The following GLDN variants were observed in gnomAD, a reference collection of about 807,000 sequenced individuals.
The protein encoded by GLDN is gliomedin.
Under a neutral mutation model 56.5 loss-of-function variants are expected in GLDN, and 47 were observed. That is an observed-to-expected ratio of 0.83 (90% CI 0.66 to 1.06). The LOEUF is 1.06. Among genes scored for constraint, GLDN ranks in the 50% least tolerant of loss-of-function variants. The pLI is 0.00. For missense variants in GLDN, 782 were observed against 714.3 expected (o/e 1.09, Z -1.08); for synonymous variants, 332 against 278.8 (o/e 1.19, Z -1.90).
rs959972105 is a variant in GLDN at position 51,362,314 on chromosome 15, G to T, written c.364-15135G>T. Among the ~76,000 whole-genome samples, 3 of 151,384 alleles carry T rather than the reference G, an allele frequency of 2.0e-5. No homozygotes were observed. The East Asian group carries it at 5.8e-4, about 29-fold the overall frequency. ...AGACTGACCAACTTGGAGAAACTCC[G>T]TCTCTACCAAATATATACAAATTAG... is the stretch of plus-strand genomic sequence containing the variant. On this transcript the variant is annotated intron_variant, in intron 1 of 9. Coordinates refer to ENST00000335449, the MANE Select transcript of GLDN (RefSeq NM_181789.4).
intron 9 of GLDN, among the ~76,000 whole-genome samples, chr15:51,402,136 C>T (rs1319423922): frequency 1.3e-5 from 2 of 152,192 alleles, no homozygotes; most frequent in Non-Finnish European, 2.9e-5. Flanking sequence ...TGGGGAATTT[C>T]GTGTCACAGC....
chr15:51,387,995 C>A (rs2037937437), intron 4 of GLDN, among the ~76,000 whole-genome samples: 1 of 152,186 alleles, frequency 6.6e-6, no homozygotes, highest in Non-Finnish European at 1.5e-5. Context: ...TGCCCCAGGA[C>A]CTTTGCACGA....
At chr15:51,385,187 C>G (rs1397340786) in intron 4 of GLDN, 1 of 152,106 alleles carries the variant, frequency 6.6e-6, no homozygotes, top group East Asian at 1.9e-4. Context: ...AATAATGATG[C>G]CTATTGGCTT....
rs2038223020 is a variant in GLDN at position 51,400,353 on chromosome 15, C to G, written c.902-20C>G. ...TCATAATTGGCAGGCAAGTGACTTT[C>G]TTTTCTCTTCTTTTGGCAGAATCCA... On this transcript the variant is annotated intron_variant, in intron 7 of 9. Coordinates refer to ENST00000335449, the MANE Select transcript of GLDN (RefSeq NM_181789.4). 1.9e-6 allele frequency: 3 copies of G among 1,614,016 alleles called. No individual in the cohort carries two copies. The African/African-American group carries it at 4.0e-5, about 22-fold the overall frequency.
intron 9 of GLDN, among the ~76,000 whole-genome samples, chr15:51,403,053 G>T (rs941901873): frequency 4.6e-5 from 7 of 152,348 alleles, no homozygotes; most frequent in African/African-American, 1.7e-4. Flanking sequence ...GGGCAGTTCT[G>T]CGGTGGATAA....
intron 1 of GLDN, among the ~76,000 whole-genome samples, chr15:51,362,958 G>A (rs55959318): frequency 7.5e-5 from 10 of 133,780 alleles, no homozygotes; most frequent in Non-Finnish European, 1.5e-4. Context: ...ATGTGAGAGG[G>A]GAAAAAAATA....
At chr15:51,399,213 A>T (rs2038197903) in intron 6 of GLDN, among the ~76,000 whole-genome samples, 1 of 152,206 alleles carries the variant, frequency 6.6e-6, no homozygotes, top group African/African-American at 2.4e-5. Context: ...GAAGGACTTC[A>T]GGGAAACACA....
intron 1 of GLDN, chr15:51,351,119 C>G (rs1157732911): frequency 6.8e-6 from 2 of 294,930 alleles, no homozygotes; most frequent in East Asian, 1.8e-4. Context: ...GATATCTTGG[C>G]CCTTTCTCTT....
At chr15:51,359,773 G>A (rs1412224500) in intron 1 of GLDN, among the ~76,000 whole-genome samples, 3 of 151,926 alleles carry the variant, frequency 2.0e-5, no homozygotes, top group Non-Finnish European at 2.9e-5. Context: ...TCAGGAGATC[G>A]AGACCATCCT....
intron 9 of GLDN, among the ~76,000 whole-genome samples, chr15:51,402,057 C>T (rs750322393): frequency 6.6e-6 from 1 of 152,216 alleles, no homozygotes; most frequent in Non-Finnish European, 1.5e-5. Context: ...GCAGCCCGAA[C>T]TCATAGCTCC....
intron 4 of GLDN, among the ~76,000 whole-genome samples, chr15:51,388,929 T>C (rs1208830267): frequency 1.3e-5 from 2 of 152,244 alleles, no homozygotes; most frequent in Non-Finnish European, 2.9e-5. Context: ...CTGGGAGGGT[T>C]CCAGCCTTTC....
At position 51,383,461 on chromosome 15, in the gene GLDN, C is replaced by T. The variant is rs781558121; in HGVS notation, c.433+8C>T. ...GACCTTCTGGACCACCAGGTAAGAG[C>T]CCATGGATTTTCTAGTTCAAGGGGA... On this transcript the variant is annotated splice_region_variant and intron_variant, in intron 3 of 9. Transcript: ENST00000335449. 12 of 1,613,676 alleles carry T rather than the reference C, an allele frequency of 7.4e-6. No individual in the cohort carries two copies. In the Admixed American group the frequency reaches 8.3e-5, roughly 11 times the overall value.
downstream of GLDN, among the ~76,000 whole-genome samples, chr15:51,408,866 C>A (rs1030292260): frequency 1.3e-5 from 2 of 151,876 alleles, no homozygotes; most frequent in Admixed American, 6.6e-5. Context: ...TGAACTCATC[C>A]TTTTTTATGG....
intron 1 of GLDN, among the ~76,000 whole-genome samples, chr15:51,343,226 A>G (rs2036917715): frequency 6.6e-6 from 1 of 152,222 alleles, no homozygotes; most frequent in South Asian, 2.1e-4. Context: ...TAAAAGTACT[A>G]CATACTTCAA....
chr15:51,349,742 A>ATTT lies in GLDN; in HGVS notation c.363+7709_363+7711dup, dbSNP rs11424647. Among the ~76,000 whole-genome samples, 34 of 141,306 alleles carry ATTT rather than the reference A, an allele frequency of 2.4e-4. 1 individual carries two copies. The highest frequency in any genetic ancestry group is 1.0e-3 in the East Asian group (5 of 4,820). The allele number at this position is 141,306 out of a possible 152,430, so 92.7% of individuals were successfully genotyped here. A position where few individuals can be genotyped will look rare whatever the true frequency, so the allele number is the denominator to read the frequency against. ...ATTCCCTGGAACGGCACTAGGGCTGATTTTTTTTTTTTTTTTAGACAGAGT... is the reference window on the plus strand; with the variant it reads ...ATTCCCTGGAACGGCACTAGGGCTGATTTTTTTTTTTTTTTTTTTAGACAGAGT... On this transcript the variant is annotated intron_variant, in intron 1 of 9. Transcript: ENST00000335449.
intron 9 of GLDN, among the ~76,000 whole-genome samples, chr15:51,403,538 A>T (rs2470193): frequency 0.22 from 33,136 of 152,084 alleles, 4,045 homozygotes; most frequent in African/African-American, 0.31. Context: ...ATTATAATTC[A>T]CTTTTACAAT....
intron 1 of GLDN, among the ~76,000 whole-genome samples, chr15:51,350,675 G>A (rs965490291): frequency 6.6e-6 from 1 of 152,156 alleles, no homozygotes; most frequent in East Asian, 1.9e-4. Flanking sequence ...CATGTCGCAG[G>A]CAATGATGGT....
At chr15:51,350,631 T>C (rs1054602195) in intron 1 of GLDN, among the ~76,000 whole-genome samples, 3 of 152,104 alleles carry the variant, frequency 2.0e-5, no homozygotes. Flanking sequence ...TGTCTAGTGG[T>C]GTTGGTGATG....
intron 4 of GLDN, among the ~76,000 whole-genome samples, chr15:51,386,139 C>A (rs2037886353): frequency 6.6e-6 from 1 of 152,118 alleles, no homozygotes; most frequent in South Asian, 2.1e-4. Context: ...GCAAAGACAC[C>A]CTTCTCTACA....
Sources: allele counts gnomAD v4.1 joint callset (sites outside exome capture counted in the v4.1 genomes callset), GRCh38; gene constraint gnomAD v4.1.1; transcripts MANE v1.5; gene names NCBI Gene and HGNC (gene_info 2026-07-23, HGNC 2026-07-21).